TAFA5: variants seen among roughly 807,000 people sequenced by gnomAD.
TAFA5 encodes the protein chemokine-like protein TAFA-5.
In TAFA5, 6 loss-of-function variants were observed where a neutral mutation model predicts 15.3. The observed-to-expected ratio is 0.39, with a 90% CI of 0.21 to 0.77. The LOEUF (loss-of-function observed/expected upper bound fraction) is 0.77, where lower values mean the gene tolerates loss of function less well. Among genes scored for constraint, TAFA5 ranks in the 30% least tolerant of loss-of-function variants. The probability of loss-of-function intolerance (pLI) is 0.41; values close to 1 mark genes in which losing one functional copy is unlikely to be tolerated. For missense variants in TAFA5, 161 were observed against 193.1 expected (o/e 0.83, Z 0.98); for synonymous variants, 103 against 80.7 (o/e 1.28, Z -1.48).
intron 1 of TAFA5, among the ~76,000 whole-genome samples, chr22:48,593,023 G>A (rs868323654): frequency 6.6e-6 from 1 of 152,128 alleles, no homozygotes; most frequent in African/African-American, 2.4e-5. Context: ...GGGCGGGGGG[G>A]TCTGTAGGAG....
chr22:48,623,799 C>T (rs1925936139), intron 1 of TAFA5, among the ~76,000 whole-genome samples: 1 of 152,244 alleles, frequency 6.6e-6, no homozygotes, highest in Non-Finnish European at 1.5e-5. Flanking sequence ...GAACTTGGTC[C>T]ATTTTCTTGG....
intron 1 of TAFA5, among the ~76,000 whole-genome samples, chr22:48,590,182 A>G (rs1168795577): frequency 6.6e-6 from 1 of 152,090 alleles, no homozygotes; most frequent in African/African-American, 2.4e-5. Context: ...AATGCCACGG[A>G]GGCGAGGGCC....
At chr22:48,575,721 G>C (rs939199541) in intron 1 of TAFA5, among the ~76,000 whole-genome samples, 1 of 145,476 alleles carries the variant, frequency 6.9e-6, no homozygotes, top group African/African-American at 2.5e-5. Flanking sequence ...CGCAGAGGCC[G>C]GCACCGTCCG....
chr22:48,655,405 G>A (rs1281668361), intron 2 of TAFA5, among the ~76,000 whole-genome samples: 1 of 152,180 alleles, frequency 6.6e-6, no homozygotes, highest in African/African-American at 2.4e-5. Context: ...ACACTGTTCT[G>A]GGGGCTGGGA....
intron 3 of TAFA5, among the ~76,000 whole-genome samples, chr22:48,747,111 CGCCCG>C (rs1930350931): frequency 6.6e-6 from 1 of 152,326 alleles, no homozygotes; most frequent in African/African-American, 2.4e-5. Context: ...TCACCATTCC[CGCCCG>C]GCCCTGCCCT....
intron 3 of TAFA5, among the ~76,000 whole-genome samples, chr22:48,730,883 A>C (rs1458664278): frequency 2.0e-5 from 3 of 152,152 alleles, no homozygotes; most frequent in African/African-American, 4.8e-5. Flanking sequence ...GTGGCCTCTA[A>C]GTGTTCAAGT....
intron 2 of TAFA5, among the ~76,000 whole-genome samples, chr22:48,695,020 A>G (rs1049541162): frequency 6.6e-6 from 1 of 152,024 alleles, no homozygotes; most frequent in African/African-American, 2.4e-5. Context: ...GACCGTCCTC[A>G]GTGCCTGTGT....
intron 2 of TAFA5, among the ~76,000 whole-genome samples, chr22:48,695,849 G>A (rs910576): frequency 0.15 from 23,058 of 152,230 alleles, 2,238 homozygotes; most frequent in Non-Finnish European, 0.22. Flanking sequence ...GGGAGTCAGC[G>A]TGGCTGGCTT....
chr22:48,707,298 A>C (rs130143), intron 2 of TAFA5, among the ~76,000 whole-genome samples: 116,261 of 151,990 alleles, frequency 0.76, 45,097 homozygotes, highest in African/African-American at 0.9. Context: ...CCCTTTGGTT[A>C]CCTCCCTGTG....
At chr22:48,661,814 TG>T (rs2147214730) in intron 2 of TAFA5, among the ~76,000 whole-genome samples, 1 of 151,636 alleles carries the variant, frequency 6.6e-6, no homozygotes, top group East Asian at 2.0e-4. Flanking sequence ...AGAAATGAAC[TG>T]GGGGCCTGGG....
chr22:48,603,820 G>A (rs1438230417), intron 1 of TAFA5, among the ~76,000 whole-genome samples: 1 of 152,186 alleles, frequency 6.6e-6, no homozygotes, highest in East Asian at 1.9e-4. Flanking sequence ...GCAAGCAGCA[G>A]CAAGTGGAGA....
intron 3 of TAFA5, among the ~76,000 whole-genome samples, chr22:48,737,824 G>A (rs1468479961): frequency 6.6e-6 from 1 of 152,206 alleles, no homozygotes; most frequent in East Asian, 1.9e-4. Flanking sequence ...GCCAGGGAGG[G>A]CGGCTTCCAC....
intron 1 of TAFA5, among the ~76,000 whole-genome samples, chr22:48,600,244 A>G (rs975896761): frequency 1.3e-5 from 2 of 152,162 alleles, no homozygotes; most frequent in African/African-American, 4.8e-5. Context: ...GTGAAGGGAA[A>G]TGGGGGAGTG....
chr22:48,591,635 C>T (rs1236812820), intron 1 of TAFA5, among the ~76,000 whole-genome samples: 1 of 152,218 alleles, frequency 6.6e-6, no homozygotes, highest in Non-Finnish European at 1.5e-5. Flanking sequence ...GCAGCGGGGT[C>T]ACAGGGTGAT....
At chr22:48,605,327 A>G (rs377656538) in intron 1 of TAFA5, among the ~76,000 whole-genome samples, 2 of 33,200 alleles carry the variant, frequency 6.0e-5, no homozygotes, top group East Asian at 1.2e-3. Context: ...GATGGTGATG[A>G]TGGTGATGAT....
At chr22:48,724,880 G>T (rs1168122306) in intron 3 of TAFA5, among the ~76,000 whole-genome samples, 1 of 152,250 alleles carries the variant, frequency 6.6e-6, no homozygotes, top group African/African-American at 2.4e-5. Context: ...CTGCGGCATG[G>T]CAGGGAGGAA....
In TAFA5 at chr22:48,637,247, T is replaced by C. The variant is rs553727948; in HGVS notation, c.113-9350T>C. ...GTGTAAGGATCTGTGTGCATGCGTG[T>C]ACCTCACTAAATGAGTGTGGCGTAG... On this transcript the variant is annotated intron_variant, in intron 1 of 3. Transcript: ENST00000402357. Among the ~76,000 whole-genome samples the C allele has an allele frequency of 3.3e-5, 5 of 152,326 alleles. No homozygotes were observed. In the South Asian group the frequency reaches 6.2e-4, roughly 19 times the overall value.
chr22:48,655,838 T>TG (rs1469404271), intron 2 of TAFA5, among the ~76,000 whole-genome samples: 1,157 of 96,042 alleles, frequency 0.012, 36 homozygotes, highest in African/African-American at 0.03. Context: ...TTCTTTTTTT[T>TG]TTTTTTTTTT....
chr22:48,706,413 A>G (rs1159737017), intron 2 of TAFA5, among the ~76,000 whole-genome samples: 3 of 152,232 alleles, frequency 2.0e-5, no homozygotes, highest in African/African-American at 7.2e-5. Context: ...CAGCACTGGC[A>G]TGAAGCGAGC....
Sources: gnomAD v4.1 joint callset for allele counts (sites outside exome capture counted in the v4.1 genomes callset) on GRCh38, gnomAD v4.1.1 for gene constraint, MANE v1.5 for transcripts, NCBI Gene and HGNC (gene_info 2026-07-23, HGNC 2026-07-21) for gene names.